Variants in XXYLT1 observed in about 807,000 individuals in gnomAD.
XXYLT1 encodes the protein xyloside xylosyltransferase 1.
XXYLT1 carries 20 observed loss-of-function variants against 28.9 expected under a neutral mutation model. The observed-to-expected ratio is 0.69, with a 90% CI of 0.49 to 1.00. The LOEUF is 1.00. Among genes scored for constraint, XXYLT1 ranks in the 50% least tolerant of loss-of-function variants. The pLI, the probability that XXYLT1 is intolerant of heterozygous loss-of-function variation, is 0.00. For synonymous variants in XXYLT1, 257 were observed against 253.8 expected (o/e 1.01, Z -0.12); for missense variants, 542 against 560.1 (o/e 0.97, Z 0.33).
chr3:195,103,469 G>A (rs1716922756), intron 3 of XXYLT1, among the ~76,000 whole-genome samples: 1 of 134,526 alleles, frequency 7.4e-6, no homozygotes, highest in South Asian at 2.4e-4. Flanking sequence ...CATCTCTTCT[G>A]CATTTGTTAG....
At chr3:195,084,177 T>C (rs1715597065) in intron 3 of XXYLT1, among the ~76,000 whole-genome samples, 1 of 152,182 alleles carries the variant, frequency 6.6e-6, no homozygotes, top group African/African-American at 2.4e-5. Context: ...TTTGGTTCTC[T>C]GGGAAGGTCC....
intron 3 of XXYLT1, chr3:195,152,166 G>C (rs1324166932): frequency 6.6e-6 from 1 of 152,626 alleles, no homozygotes. Context: ...TGCACATAAA[G>C]AGGGCACAGC....
intron 3 of XXYLT1, among the ~76,000 whole-genome samples, chr3:195,148,743 C>A (rs1720013444): frequency 6.6e-6 from 1 of 152,212 alleles, no homozygotes; most frequent in African/African-American, 2.4e-5. Context: ...TCTCTATTTT[C>A]TTCCCTTGTA....
chr3:195,226,735 A>C lies in XXYLT1; in HGVS notation c.626T>G (p.Val209Gly), dbSNP rs759035544. The change falls in exon 2 of 4, where the codon GTC becomes GGC. Residue 209 changes from valine to glycine, a missense_variant. Physicochemically the swap from Val to Gly is moderately radical, Grantham distance 109. Transcript: ENST00000310380. The stretch of plus-strand genomic sequence containing the variant: ...TTTGGGCATGATCTGATGCATGGCG[A>C]CCGAGAGGAAGAAGATGGAGTCACT... Reference protein sequence around the residue: ...YYSDSIFFLSVAMHQIMPKEI... With the variant: ...YYSDSIFFLSGAMHQIMPKEI... The C allele has an allele frequency of 6.2e-7, 1 of 1,613,704 alleles. No homozygotes were observed. Among genetic ancestry groups the C allele is most frequent in the Non-Finnish European group, 8.5e-7 (1 of 1,179,920 alleles).
Position 195,117,114 on chromosome 3 carries a change from T to TACACAC in XXYLT1, c.785+39329_785+39334dup, listed in dbSNP as rs10633458. ...AAACATCCTATATATATATAGTGTA[T>TACACAC]ACACACACACACACACACACACACA... On this transcript the variant is annotated intron_variant, in intron 3 of 3. Transcript: ENST00000310380. Among the ~76,000 whole-genome samples the TACACAC allele has an allele frequency of 3.3e-3, 490 of 148,726 alleles. 2 individuals carry two copies. Among genetic ancestry groups the TACACAC allele is most frequent in the African/African-American group, 6.7e-3 (271 of 40,402 alleles).
intron 3 of XXYLT1, among the ~76,000 whole-genome samples, chr3:195,112,522 A>C (rs577673926): frequency 7.4e-6 from 1 of 135,614 alleles, no homozygotes; most frequent in Non-Finnish European, 1.7e-5. Flanking sequence ...ACCCACACAC[A>C]CACACAGAGC....
In XXYLT1 at chr3:195,184,856, T is replaced by C. The variant is rs1050917178; in HGVS notation, c.653-28275A>G. ...AATCATTCTCATTCATCTTTACCAATAAAATGGTCTACATTCAAATGGTAA... is the reference window on the plus strand; with the variant it reads ...AATCATTCTCATTCATCTTTACCAACAAAATGGTCTACATTCAAATGGTAA... On this transcript the variant is annotated intron_variant, in intron 2 of 3. Transcript: ENST00000310380. 3 of 975,532 alleles carry C rather than the reference T, an allele frequency of 3.1e-6. No homozygotes were observed. In the African/African-American group the frequency reaches 5.3e-5, roughly 17 times the overall value. 60.4% of individuals were successfully genotyped at this position (975,532 alleles called of 1,614,324 possible). A position where few individuals can be genotyped will look rare whatever the true frequency, so the allele number is the denominator to read the frequency against.
At chr3:195,088,902 A>G (rs372231922) in intron 3 of XXYLT1, among the ~76,000 whole-genome samples, 41 of 151,278 alleles carry the variant, frequency 2.7e-4, no homozygotes, top group African/African-American at 7.0e-4. Flanking sequence ...GAGCCGATGC[A>G]ATCAACTGGA....
intron 2 of XXYLT1, among the ~76,000 whole-genome samples, chr3:195,199,859 G>A (rs1044979674): frequency 6.6e-6 from 1 of 152,208 alleles, no homozygotes; most frequent in African/African-American, 2.4e-5. Flanking sequence ...TATGAGCCAT[G>A]ATGGCGTTTC....
intron 3 of XXYLT1, among the ~76,000 whole-genome samples, chr3:195,125,262 C>G (rs888387105): frequency 6.6e-6 from 1 of 152,258 alleles, no homozygotes; most frequent in Admixed American, 6.5e-5. Context: ...AGCTAGGGGC[C>G]TGGACATGAT....
intron 3 of XXYLT1, among the ~76,000 whole-genome samples, chr3:195,153,465 C>A (rs753836590): frequency 6.6e-6 from 1 of 152,260 alleles, no homozygotes; most frequent in Non-Finnish European, 1.5e-5. Flanking sequence ...AGGGAGGGAG[C>A]ATGAAAAGGA....
intron 3 of XXYLT1, among the ~76,000 whole-genome samples, chr3:195,089,330 G>C (rs1405857011): frequency 1.3e-5 from 2 of 152,038 alleles, no homozygotes; most frequent in African/African-American, 4.8e-5. Flanking sequence ...TGGATCTCTC[G>C]GCAGAAACCC....
At chr3:195,154,592 T>G (rs1190397364) in intron 3 of XXYLT1, among the ~76,000 whole-genome samples, 3 of 152,098 alleles carry the variant, frequency 2.0e-5, no homozygotes, top group Non-Finnish European at 4.4e-5. Context: ...GTAAACACAC[T>G]GCGCTCCCTC....
intron 2 of XXYLT1, among the ~76,000 whole-genome samples, chr3:195,188,894 T>G (rs1228828036): frequency 6.6e-6 from 1 of 152,228 alleles, no homozygotes; most frequent in Admixed American, 6.5e-5. Context: ...TGCAGCCTCA[T>G]ACAGTAACAT....
chr3:195,103,577 T>C (rs1000313004), intron 3 of XXYLT1, among the ~76,000 whole-genome samples: 5 of 152,260 alleles, frequency 3.3e-5, no homozygotes, highest in Non-Finnish European at 5.9e-5. Flanking sequence ...ACATGTTCTT[T>C]GTCTTTTGAA....
chr3:195,072,030 A>T (rs1714846305), intron 3 of XXYLT1, among the ~76,000 whole-genome samples: 1 of 152,296 alleles, frequency 6.6e-6, no homozygotes, highest in South Asian at 2.1e-4. Context: ...CAGAGTACCC[A>T]GGAGGGAGAG....
intron 3 of XXYLT1, chr3:195,154,031 G>C (rs1364025582): frequency 1.3e-5 from 2 of 152,346 alleles, no homozygotes; most frequent in Admixed American, 1.3e-4. Flanking sequence ...AGGTGGCAGA[G>C]CTGGGACTAG....
chr3:195,159,639 C>T (rs1423653458), intron 2 of XXYLT1, among the ~76,000 whole-genome samples: 1 of 152,186 alleles, frequency 6.6e-6, no homozygotes, highest in Non-Finnish European at 1.5e-5. Context: ...AAGACCCTGT[C>T]ACCATCATTG....
At chr3:195,144,060 A>C in intron 3 of XXYLT1, among the ~76,000 whole-genome samples, 1 of 148,436 alleles carries the variant, frequency 6.7e-6, no homozygotes, top group African/African-American at 2.5e-5. Context: ...CGCCCAGCTG[A>C]TTTTTGTATT....
Sources: gnomAD v4.1 joint callset for allele counts (sites outside exome capture counted in the v4.1 genomes callset) on GRCh38, gnomAD v4.1.1 for gene constraint, MANE v1.5 for transcripts, NCBI Gene and HGNC (gene_info 2026-07-23, HGNC 2026-07-21) for gene names.